Variants in VEGFC observed in about 807,000 individuals in gnomAD.
VEGFC encodes FLT4 ligand DHM.
A neutral mutation model predicts 46.1 loss-of-function variants in VEGFC; 12 were observed. The observed-to-expected ratio is 0.26, with a 90% CI of 0.17 to 0.42. The LOEUF is 0.42. VEGFC is among the 10% of genes least tolerant of loss of function. The pLI is 1.00. For synonymous variants in VEGFC, 232 were observed against 195.5 expected, an observed-to-expected ratio of 1.19 and a Z score of -1.56; for missense variants, 488 against 529.4, an observed-to-expected ratio of 0.92 and a Z score of 0.77.
At chr4:176,724,588 C>T (rs914118729) in intron 3 of VEGFC, among the ~76,000 whole-genome samples, 2 of 152,162 alleles carry the variant, frequency 1.3e-5, no homozygotes, top group Admixed American at 6.5e-5. Context: ...GCCAAAGCCA[C>T]TTGACACCCA....
chr4:176,778,633 G>A (rs1246482601), intron 1 of VEGFC, among the ~76,000 whole-genome samples: 1 of 151,976 alleles, frequency 6.6e-6, no homozygotes, highest in Non-Finnish European at 1.5e-5. Context: ...TTATTTTGTT[G>A]AACAACTAAA....
At chr4:176,708,243 G>A (rs978473086) in intron 4 of VEGFC, among the ~76,000 whole-genome samples, 1 of 151,514 alleles carries the variant, frequency 6.6e-6, no homozygotes, top group Non-Finnish European at 1.5e-5. Flanking sequence ...TATGTAATTT[G>A]ATATATTACA....
At chr4:176,719,265 A>C (rs576784951) in intron 3 of VEGFC, among the ~76,000 whole-genome samples, 67 of 152,138 alleles carry the variant, frequency 4.4e-4, no homozygotes, top group African/African-American at 1.5e-3. Flanking sequence ...CTTTGCTACA[A>C]AATGTGCCTG....
chr4:176,724,377 A>G (rs1734839199), intron 3 of VEGFC, among the ~76,000 whole-genome samples: 1 of 152,220 alleles, frequency 6.6e-6, no homozygotes, highest in Non-Finnish European at 1.5e-5. Context: ...TGTGGTAGGC[A>G]CTGGGATAAG....
chr4:176,766,374 C>T (rs982730043), intron 1 of VEGFC, among the ~76,000 whole-genome samples: 3 of 151,960 alleles, frequency 2.0e-5, no homozygotes, highest in Non-Finnish European at 4.4e-5. Context: ...TCAATTGAAC[C>T]CAGGAGTTCA....
chr4:176,718,928 A>T (rs532405931), intron 3 of VEGFC, among the ~76,000 whole-genome samples: 3 of 152,206 alleles, frequency 2.0e-5, no homozygotes, highest in Non-Finnish European at 4.4e-5. Flanking sequence ...TCTCTTAAAC[A>T]TACAACTTCT....
At chr4:176,770,755 C>G (rs936263142) in intron 1 of VEGFC, among the ~76,000 whole-genome samples, 8 of 152,224 alleles carry the variant, frequency 5.3e-5, no homozygotes, top group Middle Eastern at 6.8e-3. Context: ...GAGTTCAATA[C>G]AAGCTATGAG....
At chr4:176,739,675 T>C (rs1735122101) in intron 1 of VEGFC, among the ~76,000 whole-genome samples, 1 of 151,610 alleles carries the variant, frequency 6.6e-6, no homozygotes, top group Non-Finnish European at 1.5e-5. Context: ...TAGGATGATC[T>C]GTGCAGCAAA....
At chr4:176,685,768 T>G (rs971931184) in intron 6 of VEGFC, among the ~76,000 whole-genome samples, 6 of 152,108 alleles carry the variant, frequency 3.9e-5, no homozygotes, top group African/African-American at 1.4e-4. Context: ...AATTGGAATA[T>G]AGTTCTTTCT....
At chr4:176,746,332 A>C (rs1410169319) in intron 1 of VEGFC, among the ~76,000 whole-genome samples, 2 of 152,060 alleles carry the variant, frequency 1.3e-5, no homozygotes, top group African/African-American at 4.8e-5. Flanking sequence ...TTTTAAGAAA[A>C]CACAGAGCTG....
intron 1 of VEGFC, among the ~76,000 whole-genome samples, chr4:176,736,270 A>G (rs1176921324): frequency 6.6e-6 from 1 of 151,892 alleles, no homozygotes; most frequent in African/African-American, 2.4e-5. Context: ...CATATTTTGT[A>G]TAAATATCCT....
At chr4:176,700,898 G>T (rs887103147) in intron 4 of VEGFC, among the ~76,000 whole-genome samples, 2 of 152,116 alleles carry the variant, frequency 1.3e-5, no homozygotes, top group Non-Finnish European at 1.5e-5. Flanking sequence ...CGTTATGAGG[G>T]TATAAGAGTT....
At chr4:176,767,275 A>G (rs773621735) in intron 1 of VEGFC, among the ~76,000 whole-genome samples, 50 of 152,292 alleles carry the variant, frequency 3.3e-4, no homozygotes, top group Non-Finnish European at 6.2e-4. Context: ...TAAAACCACA[A>G]TGGGATGCTA....
chr4:176,700,515 G>C (rs896583585), intron 4 of VEGFC, among the ~76,000 whole-genome samples: 4 of 152,142 alleles, frequency 2.6e-5, no homozygotes, highest in African/African-American at 9.7e-5. Context: ...GTCTGAGACT[G>C]ACTTGGATAT....
chr4:176,696,865 G>C (rs1203557391), intron 4 of VEGFC, among the ~76,000 whole-genome samples: 3 of 151,984 alleles, frequency 2.0e-5, no homozygotes, highest in African/African-American at 4.8e-5. Flanking sequence ...ACAAACCTGA[G>C]AAAAACAAGC....
At chr4:176,745,133 T>C (rs1735239502) in intron 1 of VEGFC, among the ~76,000 whole-genome samples, 1 of 152,082 alleles carries the variant, frequency 6.6e-6, no homozygotes, top group African/African-American at 2.4e-5. Flanking sequence ...CCTTAGGGAC[T>C]TCCAAGCTTT....
At chr4:176,749,470 G>A (rs1735306565) in intron 1 of VEGFC, among the ~76,000 whole-genome samples, 1 of 151,482 alleles carries the variant, frequency 6.6e-6, no homozygotes, top group South Asian at 2.1e-4. Flanking sequence ...TATAAAATGT[G>A]TACTTTATTT....
At chr4:176,730,209 T>C (rs923849309) in intron 1 of VEGFC, among the ~76,000 whole-genome samples, 11 of 152,254 alleles carry the variant, frequency 7.2e-5, no homozygotes, top group Middle Eastern at 3.4e-3. Flanking sequence ...TGGGAGCTAT[T>C]TTAGAACAAA....
intron 1 of VEGFC, among the ~76,000 whole-genome samples, chr4:176,786,503 T>G (rs557312098): frequency 6.6e-6 from 1 of 152,218 alleles, no homozygotes; most frequent in Non-Finnish European, 1.5e-5. Flanking sequence ...GGCCTGCCCA[T>G]GCAACTCCCA....
Sources: allele counts gnomAD v4.1 joint callset (sites outside exome capture counted in the v4.1 genomes callset), GRCh38; gene constraint gnomAD v4.1.1; transcripts MANE v1.5; gene names NCBI Gene and HGNC (gene_info 2026-07-23, HGNC 2026-07-21).